Variants in PDE4D observed in about 807,000 individuals in gnomAD.
PDE4D encodes phosphodiesterase 4D, also known as 3',5'-cyclic-AMP phosphodiesterase 4D.
In PDE4D, 24 loss-of-function variants were observed where a neutral mutation model predicts 87.4. The observed-to-expected ratio is 0.27, with a 90% CI of 0.20 to 0.39. PDE4D has a LOEUF of 0.39. PDE4D is among the 10% of genes least tolerant of loss of function. The pLI, the probability that PDE4D is intolerant of heterozygous loss-of-function variation, is 1.00. For synonymous variants in PDE4D, 384 were observed against 383.2 expected (o/e 1.00, Z -0.02); for missense variants, 714 against 1,041.0 (o/e 0.69, Z 4.32).
intron 1 of PDE4D, among the ~76,000 whole-genome samples, chr5:60,192,837 T>A (rs6869895): frequency 0.025 from 3,771 of 152,280 alleles, 152 homozygotes; most frequent in African/African-American, 0.086. Flanking sequence ...AAAGTTGGAT[T>A]AAAAGAAAGT....
At chr5:60,255,548 A>G (rs1404754402) in intron 1 of PDE4D, among the ~76,000 whole-genome samples, 9 of 151,864 alleles carry the variant, frequency 5.9e-5, no homozygotes, top group Admixed American at 5.9e-4. Flanking sequence ...TATATAACCT[A>G]GGGCAACTCA....
chr5:59,276,163 C>CT, intron 1 of PDE4D: 1 of 979,668 alleles, frequency 1.0e-6, no homozygotes, highest in Non-Finnish European at 1.2e-6. Context: ...AGCGCCCAGC[C>CT]TAGCCTCGTC....
intron 2 of PDE4D, chr5:60,127,704 C>A: frequency 5.1e-6 from 3 of 586,910 alleles, no homozygotes; most frequent in Admixed American, 3.0e-5. Context: ...AACAGAATTT[C>A]AGTTTTGGAT....
At chr5:59,291,438 G>A (rs568022797) in intron 1 of PDE4D, among the ~76,000 whole-genome samples, 3 of 152,090 alleles carry the variant, frequency 2.0e-5, no homozygotes, top group East Asian at 1.9e-4. Flanking sequence ...GTAGGGTAGC[G>A]TGGAGGGAAG....
At chr5:59,296,060 A>ATGCTAATT (rs1443546789) in intron 1 of PDE4D, among the ~76,000 whole-genome samples, 1 of 151,958 alleles carries the variant, frequency 6.6e-6, no homozygotes, top group East Asian at 1.9e-4. Context: ...TTCAATCGTG[A>ATGCTAATT]TGCTAATTCA....
intron 5 of PDE4D, among the ~76,000 whole-genome samples, chr5:59,102,788 T>A (rs1269608489): frequency 6.6e-6 from 1 of 152,158 alleles, no homozygotes; most frequent in Non-Finnish European, 1.5e-5. Flanking sequence ...TAGGGCTCTG[T>A]AATCTGTGTT....
At chr5:60,177,796 C>T (rs568604265) in intron 2 of PDE4D, among the ~76,000 whole-genome samples, 4 of 152,184 alleles carry the variant, frequency 2.6e-5, no homozygotes, top group Admixed American at 6.5e-5. Context: ...ATATAGACAC[C>T]GGTGAGGTCA....
At chr5:60,322,586 C>G (rs1273724166) in intron 1 of PDE4D, among the ~76,000 whole-genome samples, 1 of 152,256 alleles carries the variant, frequency 6.6e-6, no homozygotes, top group East Asian at 1.9e-4. Context: ...AAGGGCACTT[C>G]CGCAAATCCC....
At chr5:60,059,386 T>A (rs1771150038) in intron 2 of PDE4D, among the ~76,000 whole-genome samples, 1 of 151,986 alleles carries the variant, frequency 6.6e-6, no homozygotes, top group African/African-American at 2.4e-5. Context: ...CCCTGATGAA[T>A]CTGGTCATAT....
intron 3 of PDE4D, among the ~76,000 whole-genome samples, chr5:59,917,363 G>A (rs998438051): frequency 1.3e-5 from 2 of 152,068 alleles, no homozygotes; most frequent in Non-Finnish European, 2.9e-5. Context: ...ACAAACCAGA[G>A]AGTCTATGGA....
At chr5:59,096,496 A>T (rs1160892526) in intron 5 of PDE4D, among the ~76,000 whole-genome samples, 1 of 152,158 alleles carries the variant, frequency 6.6e-6, no homozygotes, top group East Asian at 1.9e-4. Flanking sequence ...GTCAGATGGG[A>T]CCACTGTGAT....
At position 59,893,115 on chromosome 5, in the gene PDE4D, A is replaced by C; in HGVS notation, c.455+53T>G. 5 of 1,491,610 alleles carry C rather than the reference A, an allele frequency of 3.4e-6. No homozygotes were observed. In the South Asian group the frequency reaches 5.1e-5, roughly 15 times the overall value. The allele number at this position is 1,491,610 out of a possible 1,614,324, so 92.4% of individuals were successfully genotyped here. ...AGCCGACTTAGATGGAGTATTTGAG[A>C]AAAGGGGAGGTGACCCTTTGCCTGA... is the stretch of plus-strand genomic sequence containing the variant. On this transcript the variant is annotated intron_variant, in intron 1 of 14. Coordinates refer to ENST00000340635, the MANE Select transcript of PDE4D (RefSeq NM_001104631.2).
intron 1 of PDE4D, among the ~76,000 whole-genome samples, chr5:59,756,174 T>C (rs1409734689): frequency 6.6e-6 from 1 of 151,910 alleles, no homozygotes; most frequent in Non-Finnish European, 1.5e-5. Flanking sequence ...AAAATGAAAC[T>C]ATGAAGGGTT....
chr5:59,124,614 T>A (rs1362239669), intron 5 of PDE4D, among the ~76,000 whole-genome samples: 1 of 152,240 alleles, frequency 6.6e-6, no homozygotes, highest in Non-Finnish European at 1.5e-5. Flanking sequence ...AATTACAGGG[T>A]GCACTGGGAC....
intron 1 of PDE4D, among the ~76,000 whole-genome samples, chr5:59,616,941 A>C (rs865817922): frequency 2.9e-5 from 4 of 137,738 alleles, no homozygotes; most frequent in Non-Finnish European, 6.3e-5. Context: ...ATATATATAT[A>C]TATATCTCCA....
At position 59,158,526 on chromosome 5, in the gene PDE4D, G is replaced by A. The variant is rs192788134; in HGVS notation, c.808+22069C>T. Among the ~76,000 whole-genome samples, 184 of 152,222 alleles carry A rather than the reference G, an allele frequency of 1.2e-3. 1 individual carries two copies. Among genetic ancestry groups the A allele is most frequent in the African/African-American group, 4.0e-3 (165 of 41,534 alleles). On this transcript the variant is annotated intron_variant, in intron 5 of 14. Coordinates refer to ENST00000340635, the MANE Select transcript of PDE4D (RefSeq NM_001104631.2). Reference sequence around the variant, plus strand: ...AACTCAAAATAGCAAATGGTGTCAAGGATATCCCCTAAACATCCAGATTGG... The same window carrying A: ...AACTCAAAATAGCAAATGGTGTCAAAGATATCCCCTAAACATCCAGATTGG...
At position 59,338,057 on chromosome 5, in the gene PDE4D, T is replaced by C. The variant is rs150929611; in HGVS notation, c.456-122089A>G. On this transcript the variant is annotated intron_variant, in intron 1 of 14. Coordinates refer to ENST00000340635, the MANE Select transcript of PDE4D (RefSeq NM_001104631.2). ...ACACAAGAACTACTTGTTTCATACA[T>C]GGTTTTATGTAAATGTCAAAGATAA... Among the ~76,000 whole-genome samples the C allele has an allele frequency of 3.3e-4, 50 of 152,362 alleles. 1 individual carries two copies. The highest frequency in any genetic ancestry group is 3.4e-3 in the Middle Eastern group (1 of 294).
intron 5 of PDE4D, among the ~76,000 whole-genome samples, chr5:59,098,221 A>C (rs2153432057): frequency 6.6e-6 from 1 of 152,326 alleles, no homozygotes; most frequent in African/African-American, 2.4e-5. Flanking sequence ...AATTGTGTTG[A>C]AACTCTAATA....
At chr5:59,643,158 C>T (rs367571978) in intron 1 of PDE4D, among the ~76,000 whole-genome samples, 10 of 152,260 alleles carry the variant, frequency 6.6e-5, no homozygotes, top group African/African-American at 1.2e-4. Flanking sequence ...AATGAGATGA[C>T]GCCTATGGTT....
Sources: gnomAD v4.1 joint callset for allele counts (sites outside exome capture counted in the v4.1 genomes callset) on GRCh38, gnomAD v4.1.1 for gene constraint, MANE v1.5 for transcripts, NCBI Gene and HGNC (gene_info 2026-07-23, HGNC 2026-07-21) for gene names.